The following DYDC2 variants were observed in gnomAD, a reference collection of about 807,000 sequenced individuals.
The protein encoded by DYDC2 is DPY30 domain containing 2.
DYDC2 carries 19 observed loss-of-function variants against 18.7 expected under a neutral mutation model. That is an observed-to-expected ratio of 1.02 (90% confidence interval 0.71 to 1.49). The LOEUF (loss-of-function observed/expected upper bound fraction) is 1.49. Among genes scored for constraint, DYDC2 ranks in the 40% most tolerant of loss-of-function variants. The pLI, the probability that DYDC2 is intolerant of heterozygous loss-of-function variation, is 0.00. For synonymous variants in DYDC2, 63 were observed against 67.6 expected (o/e 0.93, Z 0.34); for missense variants, 179 against 205.1 (o/e 0.87, Z 0.78).
At chr10:80,360,287 G>C (rs115353749) in intron 2 of DYDC2, among the ~76,000 whole-genome samples, 1 of 152,132 alleles carries the variant, frequency 6.6e-6, no homozygotes, top group Non-Finnish European at 1.5e-5. Context: ...AGCAGGGCAG[G>C]TTCCTCAGGA....
At chr10:80,365,488 G>T (rs1843799382) in intron 4 of DYDC2, among the ~76,000 whole-genome samples, 1 of 152,220 alleles carries the variant, frequency 6.6e-6, no homozygotes, top group Admixed American at 6.5e-5. Flanking sequence ...TTTATAGAAT[G>T]AATAGATATT....
Position 80,366,694 on chromosome 10 carries a change from A to G in DYDC2, c.277A>G (p.Thr93Ala). The change falls in exon 5 of 5, where the codon ACT becomes GCT. Residue 93 changes from threonine (T) to alanine (A), a missense_variant. Physicochemically the swap from Thr to Ala is moderately conservative, Grantham distance 58. Coordinates refer to ENST00000256039, the MANE Select transcript of DYDC2 (RefSeq NM_032372.6). ...QNCEKCHKEL[T>A]SETVSTKKTI... is the part of the protein sequence containing the mutation. ...TTTTTTGTTTTCTATTTAGGAACTG[A>G]CTTCTGAAACTGTTTCCACGAAGAA... The G allele has an allele frequency of 6.3e-7, 1 of 1,597,792 alleles. No individual in the cohort carries two copies. Among genetic ancestry groups the G allele is most frequent in the African/African-American group, 1.3e-5 (1 of 74,120 alleles).
intron 4 of DYDC2, among the ~76,000 whole-genome samples, chr10:80,363,501 C>T (rs1970434): frequency 0.75 from 112,481 of 149,118 alleles, 43,309 homozygotes; most frequent in East Asian, 0.97. Context: ...CATGCCACCA[C>T]GCCCGGCTAA....
chr10:80,366,675 G>A lies in DYDC2; in HGVS notation c.271-13G>A, dbSNP rs200105387. ...CTAATAATAAGTTTTCGGCTTTTTT[G>A]TTTTCTATTTAGGAACTGACTTCTG... On this transcript the variant is annotated splice_polypyrimidine_tract_variant and intron_variant, in intron 4 of 4. Coordinates refer to ENST00000256039, the MANE Select transcript of DYDC2 (RefSeq NM_032372.6). The A allele has an allele frequency of 1.1e-4, 175 of 1,577,392 alleles. No homozygotes were observed. The highest frequency in any genetic ancestry group is 1.4e-4 in the Non-Finnish European group (162 of 1,163,714).
intron 2 of DYDC2, among the ~76,000 whole-genome samples, chr10:80,359,065 C>G (rs1374192243): frequency 1.3e-5 from 2 of 152,208 alleles, no homozygotes; most frequent in Admixed American, 6.5e-5. Flanking sequence ...CAGGTTGCAG[C>G]TGCTGGCTCA....
intron 2 of DYDC2, among the ~76,000 whole-genome samples, chr10:80,359,594 C>T (rs868794834): frequency 1.1e-4 from 16 of 152,122 alleles, no homozygotes; most frequent in Admixed American, 2.6e-4. Context: ...GCCCACGGTG[C>T]GGGGGAGGCT....
intron 2 of DYDC2, among the ~76,000 whole-genome samples, chr10:80,359,914 C>G (rs1589531887): frequency 1.3e-5 from 2 of 152,184 alleles, no homozygotes; most frequent in East Asian, 3.9e-4. Flanking sequence ...CGGCCTTGGC[C>G]AGCCCAGAGG....
At chr10:80,354,479 T>C (rs1843230511), upstream of DYDC2, 1 of 141,766 alleles carries the variant, frequency 7.1e-6, no homozygotes, top group Non-Finnish European at 1.5e-5. Context: ...AGAGTGAAAC[T>C]TCGTCTCAAA....
At position 80,344,997 on chromosome 10, in the gene DYDC2, T is replaced by C. The variant is rs1308134034; in HGVS notation, c.-310+182T>C. 2.0e-5 allele frequency among the ~76,000 whole-genome samples: 3 copies of C among 152,142 alleles called. No individual in the cohort carries two copies. The East Asian group carries it at 5.8e-4, about 29-fold the overall frequency. On this transcript the variant is annotated intron_variant, in intron 1 of 4. Transcript: ENST00000372197. ...TGCTAAGATGTGTCATAGCTGACAG[T>C]GATAAAAATACATGTGGAATAGAAA... is the stretch of plus-strand genomic sequence containing the variant.
upstream of DYDC2, among the ~76,000 whole-genome samples, chr10:80,355,631 C>A (rs1008560577): frequency 6.6e-6 from 1 of 152,058 alleles, no homozygotes; most frequent in African/African-American, 2.4e-5. Context: ...GATTATTATG[C>A]AGATGTACAA....
chr10:80,354,150 T>C (rs1843197170), upstream of DYDC2, among the ~76,000 whole-genome samples: 1 of 149,208 alleles, frequency 6.7e-6, no homozygotes, highest in Non-Finnish European at 1.5e-5. Flanking sequence ...ATATATTTTT[T>C]CCTGAGAATC....
intron 2 of DYDC2, among the ~76,000 whole-genome samples, chr10:80,361,174 T>C (rs1843655599): frequency 6.6e-6 from 1 of 152,216 alleles, no homozygotes; most frequent in South Asian, 2.1e-4. Context: ...CTCTTTTTTT[T>C]TTCATACCCT....
intron 1 of DYDC2, 82 bp from the exon 2 acceptor site, chr10:80,357,811 G>C (rs1220586076): frequency 3.0e-6 from 3 of 985,268 alleles, no homozygotes; most frequent in African/African-American, 1.7e-5. Flanking sequence ...GTAAATGCCA[G>C]ATTGGGCGTG....
rs78714056 is a variant in DYDC2, at chr10:80,364,176, C to T, written c.270+1103C>T. Among the ~76,000 whole-genome samples the T allele has an allele frequency of 1.2e-3, 179 of 152,282 alleles. 2 individuals are homozygous for T. The East Asian group carries it at 0.026, about 22-fold the overall frequency. ...AATTTGAAGACATGAAAATATTAAG[C>T]TTATTTACATTTATACTAATATACT... On this transcript the variant is annotated intron_variant, in intron 4 of 4. Coordinates refer to ENST00000256039, the MANE Select transcript of DYDC2 (RefSeq NM_032372.6).
At chr10:80,358,664 G>T (rs1157282779) in intron 2 of DYDC2, among the ~76,000 whole-genome samples, 4 of 152,128 alleles carry the variant, frequency 2.6e-5, no homozygotes, top group Admixed American at 6.5e-5. Context: ...AAAGTAGATT[G>T]GTAACTACAG....
chr10:80,351,155 C>A (rs1842951423), intron 1 of DYDC2, among the ~76,000 whole-genome samples: 1 of 152,194 alleles, frequency 6.6e-6, no homozygotes, highest in Non-Finnish European at 1.5e-5. Context: ...CAACCTTGTT[C>A]TTAGCAAGTG....
At chr10:80,355,045 T>TAAA (rs200280665), upstream of DYDC2, among the ~76,000 whole-genome samples, 1 of 143,852 alleles carries the variant, frequency 7.0e-6, no homozygotes, top group Non-Finnish European at 1.5e-5. Context: ...GTCAGGAAAG[T>TAAA]AAAAAAAAAG....
intron 3 of DYDC2, 46 bp from the exon 4 acceptor site, chr10:80,362,905 G>C (rs1436976900): frequency 2.5e-6 from 4 of 1,594,390 alleles, no homozygotes; most frequent in East Asian, 4.5e-5. Context: ...CGTTTATAAG[G>C]CTTCCCTGGT....
chr10:80,350,331 T>TA (rs1842913042), intron 1 of DYDC2, among the ~76,000 whole-genome samples: 2 of 152,192 alleles, frequency 1.3e-5, no homozygotes, highest in Admixed American at 6.5e-5. Context: ...ATCTCCCACT[T>TA]ACGATGTAAT....
Sources: allele counts gnomAD v4.1 joint callset (sites outside exome capture counted in the v4.1 genomes callset), GRCh38; gene constraint gnomAD v4.1.1; transcripts MANE v1.5; gene names NCBI Gene and HGNC (gene_info 2026-07-23, HGNC 2026-07-21).